The following NRDE2 variants were observed in gnomAD, a reference collection of about 807,000 sequenced individuals.
NRDE2 encodes NRDE-2, necessary for RNA interference, domain containing.
Under a neutral mutation model 124.2 loss-of-function variants are expected in NRDE2, and 76 were observed. The ratio of observed to expected loss-of-function variants is 0.61; its 90% CI spans 0.51 to 0.74. The LOEUF (loss-of-function observed/expected upper bound fraction) is 0.74, where lower values mean the gene tolerates loss of function less well. Among genes scored for constraint, NRDE2 ranks in the 30% least tolerant of loss-of-function variants. The pLI, the probability that NRDE2 is intolerant of heterozygous loss-of-function variation, is 0.00. For synonymous variants in NRDE2, 489 were observed against 528.1 expected, an observed-to-expected ratio of 0.93 and a Z score of 1.01; for missense variants, 1,314 against 1,417.3, an observed-to-expected ratio of 0.93 and a Z score of 1.17.
At chr14:90,320,747 T>C (rs1885212602) in intron 1 of NRDE2, among the ~76,000 whole-genome samples, 1 of 152,204 alleles carries the variant, frequency 6.6e-6, no homozygotes, top group Admixed American at 6.5e-5. Flanking sequence ...CTTAAGTGCC[T>C]ACAGCAGGCC....
Position 90,268,086 on chromosome 14 carries a change from C to G in NRDE2, c.*10250G>C. 1 of 631,364 alleles carries G rather than the reference C, an allele frequency of 1.6e-6. No individual in the cohort carries two copies. The highest frequency in any genetic ancestry group is 2.7e-6 in the Non-Finnish European group (1 of 373,394). The allele number at this position is 631,364 out of a possible 1,614,324, so 39.1% of individuals were successfully genotyped here. A position where few individuals can be genotyped will look rare whatever the true frequency, so the allele number is the denominator to read the frequency against. ...TACTTAGGAGAATGGAATGTCGTGACACTTGAATTGGTGCCATGCCTTAGC... is the reference window on the plus strand; with the variant it reads ...TACTTAGGAGAATGGAATGTCGTGAGACTTGAATTGGTGCCATGCCTTAGC... On this transcript the variant is annotated 3_prime_UTR_variant, in exon 14 of 14. Transcript: ENST00000354366.
At position 90,270,049 on chromosome 14, in the gene NRDE2, T is replaced by C. The variant is rs2139651742; in HGVS notation, c.*8287A>G. Reference sequence around the variant, plus strand: ...TAGAAATCTACAAACTACAAAAATATATGTTTACTTTTTAAAATTTAGACA... The same window carrying C: ...TAGAAATCTACAAACTACAAAAATACATGTTTACTTTTTAAAATTTAGACA... On this transcript the variant is annotated 3_prime_UTR_variant, in exon 14 of 14. Coordinates refer to ENST00000354366, the MANE Select transcript of NRDE2 (RefSeq NM_017970.4). 3 of 770,198 alleles carry C rather than the reference T, an allele frequency of 3.9e-6. No individual in the cohort carries two copies. The highest frequency in any genetic ancestry group is 6.1e-6 in the Non-Finnish European group (3 of 491,228). 47.7% of individuals were successfully genotyped at this position (770,198 alleles called of 1,614,324 possible). A position where few individuals can be genotyped will look rare whatever the true frequency, so the allele number is the denominator to read the frequency against.
chr14:90,317,919 T>TA, intron 2 of NRDE2, 86 bp downstream of exon 2: 1 of 897,356 alleles, frequency 1.1e-6, no homozygotes, highest in Non-Finnish European at 1.7e-6. Context: ...CCTCTTTTAT[T>TA]AGAGTTTTCT....
At chr14:90,331,690 GA>G in intron 1 of NRDE2, 150 bp downstream of exon 1, 1 of 832,376 alleles carries the variant, frequency 1.2e-6, no homozygotes, top group South Asian at 1.6e-5. Flanking sequence ...ACCTCGGAGG[GA>G]TTGAGCCTTT....
chr14:90,291,129 C>T (rs572274896), intron 9 of NRDE2, among the ~76,000 whole-genome samples: 9 of 152,068 alleles, frequency 5.9e-5, no homozygotes, highest in African/African-American at 1.9e-4. Flanking sequence ...TAAGAAGGAA[C>T]CTACAGGAGC....
At chr14:90,325,928 T>G (rs937318068) in intron 1 of NRDE2, among the ~76,000 whole-genome samples, 4 of 152,226 alleles carry the variant, frequency 2.6e-5, no homozygotes, top group African/African-American at 9.7e-5. Context: ...AACGTTTTTT[T>G]TAATTGAAAC....
rs1891593872 is a variant in NRDE2, at chr14:90,269,086, C to T, written c.*9250G>A. 4.1e-6 allele frequency: 1 copy of T among 241,326 alleles called. No homozygotes were observed. The highest frequency in any genetic ancestry group is 8.0e-6 in the Non-Finnish European group (1 of 125,676). 14.9% of individuals were successfully genotyped at this position (241,326 alleles called of 1,614,324 possible). A position where few individuals can be genotyped will look rare whatever the true frequency, so the allele number is the denominator to read the frequency against. ...TATAAGGAATACATGCTGTATAAGG[C>T]CTTTTTCTCTTTTTAGAAGGAACTC... On this transcript the variant is annotated 3_prime_UTR_variant, in exon 14 of 14. Coordinates refer to ENST00000354366, the MANE Select transcript of NRDE2 (RefSeq NM_017970.4).
intron 4 of NRDE2, among the ~76,000 whole-genome samples, chr14:90,306,431 A>C (rs1292779248): frequency 6.6e-6 from 1 of 152,168 alleles, no homozygotes; most frequent in Non-Finnish European, 1.5e-5. Context: ...CTCCCTCCCA[A>C]TTCTTTCAGA....
intron 7 of NRDE2, among the ~76,000 whole-genome samples, chr14:90,299,882 A>ATCAG (rs1296717968): frequency 6.6e-6 from 1 of 152,256 alleles, no homozygotes; most frequent in East Asian, 1.9e-4. Context: ...GACCAGTAAT[A>ATCAG]TCAGACCTGC....
intron 9 of NRDE2, among the ~76,000 whole-genome samples, chr14:90,292,157 A>G (rs1268123060): frequency 6.6e-6 from 1 of 152,244 alleles, no homozygotes; most frequent in Non-Finnish European, 1.5e-5. Flanking sequence ...GGCACGCCAC[A>G]GGTATTCAAT....
At chr14:90,295,381 T>C (rs944581076) in intron 8 of NRDE2, among the ~76,000 whole-genome samples, 5 of 152,218 alleles carry the variant, frequency 3.3e-5, no homozygotes, top group Admixed American at 6.5e-5. Context: ...AGCATTCTAT[T>C]ATTCCACCAA....
At chr14:90,313,007 G>A (rs937138290) in intron 3 of NRDE2, among the ~76,000 whole-genome samples, 13 of 151,474 alleles carry the variant, frequency 8.6e-5, no homozygotes, top group African/African-American at 1.7e-4. Context: ...CCCTAACTTC[G>A]CCTAACTTAC....
intron 12 of NRDE2, among the ~76,000 whole-genome samples, chr14:90,281,845 C>T (rs1327348006): frequency 6.6e-6 from 1 of 152,190 alleles, no homozygotes; most frequent in Non-Finnish European, 1.5e-5. Flanking sequence ...TGAGAGAAGA[C>T]TGACACTCTG....
At position 90,288,270 on chromosome 14, in the gene NRDE2, C is replaced by A. The variant is rs1416572335; in HGVS notation, c.3105G>T (p.Leu1035Phe). ...TRSAKPLEPW[L>F]FAIEAEKLRK... ...TCAGTTTCTCAGCTTCAATTGCAAA[C>A]AACCAAGGCTCCAAGGGTTTGGCAG... The change falls in exon 11 of 14, where the codon TTG (leucine) becomes TTT (phenylalanine). Residue 1035 changes from leucine to phenylalanine, a missense_variant. Transcript: ENST00000354366. 6.2e-7 allele frequency: 1 copy of A among 1,614,186 alleles called. No individual in the cohort carries two copies. The highest frequency in any genetic ancestry group is 1.1e-5 in the South Asian group (1 of 91,080).
chr14:90,283,145 A>C (rs946034577), intron 12 of NRDE2, among the ~76,000 whole-genome samples: 3 of 152,002 alleles, frequency 2.0e-5, no homozygotes, highest in African/African-American at 7.2e-5. Context: ...TGCTGGCCCT[A>C]ATGTGATTTT....
At position 90,269,105 on chromosome 14, in the gene NRDE2, G is replaced by A. The variant is rs1891594317; in HGVS notation, c.*9231C>T. The A allele has an allele frequency of 3.6e-6, 1 of 274,130 alleles. No individual in the cohort carries two copies. The highest frequency in any genetic ancestry group is 9.9e-5 in the South Asian group (1 of 10,116). 17.0% of individuals were successfully genotyped at this position (274,130 alleles called of 1,614,324 possible). On this transcript the variant is annotated 3_prime_UTR_variant, in exon 14 of 14. Coordinates refer to ENST00000354366, the MANE Select transcript of NRDE2 (RefSeq NM_017970.4). ...ATAAGGCCTTTTTCTCTTTTTAGAA[G>A]GAACTCATGCTGTATAAGGCTCTGC...
chr14:90,282,878 G>C (rs985127073), intron 12 of NRDE2, among the ~76,000 whole-genome samples: 9 of 152,262 alleles, frequency 5.9e-5, no homozygotes, highest in African/African-American at 1.9e-4. Flanking sequence ...TATTGGCCAG[G>C]CCGGTCTCGA....
chr14:90,278,114 T>C lies in NRDE2; in HGVS notation c.*222A>G. 2.0e-6 allele frequency: 1 copy of C among 505,426 alleles called. No individual in the cohort carries two copies. The highest frequency in any genetic ancestry group is 2.1e-5 in the South Asian group (1 of 46,562). The allele number at this position is 505,426 out of a possible 1,614,324, so 31.3% of individuals were successfully genotyped here. ...GCATGACTCTCTGGCTATGTACATA[T>C]ATACACATATTCACATATATAATAT... On this transcript the variant is annotated 3_prime_UTR_variant, in exon 14 of 14. Transcript: ENST00000354366.
rs1891733964 is a variant in NRDE2 at position 90,273,985 on chromosome 14, C to CTTAA, written c.*4347_*4350dup. ...TCCCTGTTTTAAAGTTTACAATCTTCTTAATTTTTATCTGCAAAGTTCCTT... is the reference window on the plus strand; with the variant it reads ...TCCCTGTTTTAAAGTTTACAATCTTCTTAATTAATTTTTATCTGCAAAGTTCCTT... On this transcript the variant is annotated 3_prime_UTR_variant, in exon 14 of 14. Transcript: ENST00000354366. The CTTAA allele has an allele frequency of 6.8e-6, 1 of 146,840 alleles. No individual in the cohort carries two copies. Among genetic ancestry groups the CTTAA allele is most frequent in the Admixed American group, 6.9e-5 (1 of 14,424 alleles). 9.1% of individuals were successfully genotyped at this position (146,840 alleles called of 1,614,324 possible).
Sources: allele counts gnomAD v4.1 joint callset (sites outside exome capture counted in the v4.1 genomes callset), GRCh38; gene constraint gnomAD v4.1.1; transcripts MANE v1.5; gene names NCBI Gene and HGNC (gene_info 2026-07-23, HGNC 2026-07-21).